Variants in ENG observed in about 807,000 individuals in gnomAD.
ENG encodes the protein CD105 antigen.
Under a neutral mutation model 71.0 loss-of-function variants are expected in ENG, and 17 were observed. The observed-to-expected ratio is 0.24, with a 90% confidence interval of 0.16 to 0.36. The LOEUF (loss-of-function observed/expected upper bound fraction) is 0.36. Among genes scored for constraint, ENG ranks in the 10% least tolerant of loss-of-function variants. ENG has a pLI of 1.00. For synonymous variants in ENG, 360 were observed against 366.9 expected (o/e 0.98, Z 0.21); for missense variants, 749 against 868.3 (o/e 0.86, Z 1.73).
chr9:127,840,162 C>T (rs764190403), intron 2 of ENG, among the ~76,000 whole-genome samples: 2 of 152,342 alleles, frequency 1.3e-5, no homozygotes, highest in Admixed American at 1.3e-4. Context: ...TGGCCCAAGG[C>T]GATGTGGCTC....
In ENG at chr9:127,824,890, C is replaced by T; in HGVS notation, c.901G>A (p.Gly301Arg). 2 of 1,613,520 alleles carry T rather than the reference C, an allele frequency of 1.2e-6. No individual in the cohort carries two copies. Among genetic ancestry groups the T allele is most frequent in the African/African-American group, 1.3e-5 (1 of 74,972 alleles). The change falls in exon 7 of 15, where the codon GGG becomes AGG. Residue 301 changes from glycine to arginine, a missense_variant. Transcript: ENST00000373203. ...CTGGCATTGAGCATCCGGGCCTCCC[C>T]CAGGAGGCCTTGAGGTGTGTCTGGG... Reference protein sequence around the residue: ...KLPDTPQGLLGEARMLNASIV... With the variant: ...KLPDTPQGLLREARMLNASIV...
At chr9:127,825,499 T>G in intron 5 of ENG, 142 bp from the exon 6 acceptor site, 1 of 1,430,220 alleles carries the variant, frequency 7.0e-7, no homozygotes, top group Admixed American at 1.9e-5. Flanking sequence ...GGGCCAGGCT[T>G]GTGCCCAAAG....
chr9:127,843,369 C>T, intron 1 of ENG, 124 bp from the exon 2 acceptor site: 1 of 1,260,958 alleles, frequency 7.9e-7, no homozygotes, highest in South Asian at 1.2e-5. Flanking sequence ...TCACAGCCAC[C>T]TTATGAGGTG....
chr9:127,820,044 C>G lies in ENG; in HGVS notation c.1135-7G>C, dbSNP rs201359896. 1 of 1,613,348 alleles carries G rather than the reference C, an allele frequency of 6.2e-7. No homozygotes were observed. Among genetic ancestry groups the G allele is most frequent in the Non-Finnish European group, 8.5e-7 (1 of 1,179,884 alleles). On this transcript the variant is annotated splice_polypyrimidine_tract_variant and splice_region_variant and intron_variant, in intron 8 of 14. Transcript: ENST00000373203. Reference sequence around the variant, plus strand: ...TGATGGTGCACTTCAAATGCTGGGTCGGAAGAGAGGGGCACCATCAGGAGG... The same window carrying G: ...TGATGGTGCACTTCAAATGCTGGGTGGGAAGAGAGGGGCACCATCAGGAGG...
intron 7 of ENG, 21 bp downstream of exon 7, chr9:127,824,779 G>A (rs1469713833): frequency 6.5e-7 from 1 of 1,528,422 alleles, no homozygotes; most frequent in East Asian, 2.3e-5. Context: ...GGGAAGGGAG[G>A]GGCAGGGGAA....
intron 13 of ENG, chr9:127,816,362 G>A (rs1461139982): frequency 1.1e-5 from 5 of 468,744 alleles, no homozygotes; most frequent in African/African-American, 2.0e-5. Context: ...ACTGAGGCTC[G>A]GGAGTACAGA....
At chr9:127,819,681 A>T (rs1274409787) in intron 9 of ENG, 21 bp from the exon 10 acceptor site, 6 of 1,601,336 alleles carry the variant, frequency 3.7e-6, no homozygotes, top group African/African-American at 2.7e-5. Flanking sequence ...AAAGCCAGGG[A>T]GCTGGTCAGA....
chr9:127,839,910 C>T (rs1407186651), intron 2 of ENG, among the ~76,000 whole-genome samples: 2 of 152,046 alleles, frequency 1.3e-5, no homozygotes, highest in Non-Finnish European at 2.9e-5. Flanking sequence ...TCAACTGATA[C>T]GAAGACATTC....
chr9:127,829,247 C>T lies in ENG; in HGVS notation c.360+440G>A, dbSNP rs1167709470. Among the ~76,000 whole-genome samples, 4 of 152,190 alleles carry T rather than the reference C, an allele frequency of 2.6e-5. No individual in the cohort carries two copies. The East Asian group carries it at 7.7e-4, about 29-fold the overall frequency. Reference sequence around the variant, plus strand: ...AACCAACTAAATGTCTCTCCTAATCCCACTTCCCAGCCATAACCACTGTTA... The same window carrying T: ...AACCAACTAAATGTCTCTCCTAATCTCACTTCCCAGCCATAACCACTGTTA... On this transcript the variant is annotated intron_variant, in intron 3 of 14. Transcript: ENST00000373203.
intron 4 of ENG, among the ~76,000 whole-genome samples, chr9:127,826,067 A>C (rs1462242513): frequency 6.6e-6 from 1 of 152,190 alleles, no homozygotes. Flanking sequence ...TCCGTGTGTT[A>C]ACATAAGGGA....
intron 2 of ENG, among the ~76,000 whole-genome samples, chr9:127,842,216 T>G: frequency 1.1e-5 from 1 of 94,824 alleles, no homozygotes; most frequent in Admixed American, 1.6e-4. Flanking sequence ...GCACTTCTCT[T>G]TTTCTTTTCT....
intron 3 of ENG, 76 bp downstream of exon 3, chr9:127,829,611 C>A: frequency 6.3e-7 from 1 of 1,593,290 alleles, no homozygotes; most frequent in South Asian, 1.1e-5. Flanking sequence ...GGTGGGAGAC[C>A]CTGACCCACA....
intron 2 of ENG, among the ~76,000 whole-genome samples, chr9:127,833,170 A>G (rs1202329506): frequency 6.6e-6 from 1 of 152,210 alleles, no homozygotes; most frequent in Non-Finnish European, 1.5e-5. Context: ...GTGTCTATTG[A>G]AAGAATGACC....
At chr9:127,835,060 G>A (rs374522005) in intron 2 of ENG, among the ~76,000 whole-genome samples, 17 of 151,702 alleles carry the variant, frequency 1.1e-4, no homozygotes, top group African/African-American at 3.9e-4. Flanking sequence ...GGAGTACAGT[G>A]GCGTGATTGC....
chr9:127,840,263 A>G, intron 2 of ENG, among the ~76,000 whole-genome samples: 1 of 152,226 alleles, frequency 6.6e-6, no homozygotes, highest in East Asian at 1.9e-4. Flanking sequence ...AGCGGCGCAC[A>G]CATTTGTGCA....
chr9:127,827,733 C>T (rs1035495091), intron 3 of ENG, among the ~76,000 whole-genome samples: 10 of 152,086 alleles, frequency 6.6e-5, no homozygotes, highest in Admixed American at 1.3e-4. Flanking sequence ...AGAGACCCTC[C>T]TGGCCAGGCA....
intron 2 of ENG, 55 bp downstream of exon 2, chr9:127,843,039 A>G (rs1227609204): frequency 6.2e-7 from 1 of 1,612,074 alleles, no homozygotes; most frequent in Non-Finnish European, 8.5e-7. Context: ...CCCTCACCCC[A>G]TCTGCCTTGG....
chr9:127,835,048 C>A (rs1830864220), intron 2 of ENG, among the ~76,000 whole-genome samples: 1 of 152,060 alleles, frequency 6.6e-6, no homozygotes, highest in Admixed American at 6.6e-5. Flanking sequence ...GTTGCCCAGG[C>A]TGGAGTACAG....
Position 127,843,205 on chromosome 9 carries a change from G to A in ENG, c.108C>T (p.Gly36=), listed in dbSNP as rs748898883. The A allele has an allele frequency of 1.6e-5, 26 of 1,614,118 alleles. No individual in the cohort carries two copies. In the East Asian group the frequency reaches 5.1e-4, roughly 32 times the overall value. Residue 36 remains glycine (G), a synonymous_variant, in exon 2 of 15, where the codon GGC becomes GGT. Transcript: ENST00000373203. ...TATATGTCACCTCGCCCCTCTCGGG[G>A]CCCACAGGCTGAAGGTCACAATGGA... ...ETVHCDLQPV[G]PERGEVTYTT...
Sources: gnomAD v4.1 joint callset for allele counts (sites outside exome capture counted in the v4.1 genomes callset) on GRCh38, gnomAD v4.1.1 for gene constraint, MANE v1.5 for transcripts, NCBI Gene and HGNC (gene_info 2026-07-23, HGNC 2026-07-21) for gene names.